The following TRAPPC9 variants were observed in gnomAD, a reference collection of about 807,000 sequenced individuals.
TRAPPC9 encodes the protein IKK2 binding protein.
In TRAPPC9, 83 loss-of-function variants were observed where a neutral mutation model predicts 124.0. The observed-to-expected ratio is 0.67, with a 90% CI of 0.56 to 0.80. The LOEUF is 0.80. Ranked by LOEUF, TRAPPC9 falls within the 30% of genes least tolerant of loss-of-function variation. The pLI, the probability that TRAPPC9 is intolerant of heterozygous loss-of-function variation, is 0.00. For synonymous variants in TRAPPC9, 638 were observed against 617.5 expected, an observed-to-expected ratio of 1.03 and a Z score of -0.49; for missense variants, 1,302 against 1,508.3, an observed-to-expected ratio of 0.86 and a Z score of 2.27.
At chr8:140,125,847 A>G (rs569653331) in intron 17 of TRAPPC9, among the ~76,000 whole-genome samples, 4 of 152,146 alleles carry the variant, frequency 2.6e-5, no homozygotes, top group South Asian at 2.1e-4. Flanking sequence ...ACGATTAGAC[A>G]TCTCCTTTGA....
intron 16 of TRAPPC9, among the ~76,000 whole-genome samples, chr8:140,250,054 A>G (rs2064094909): frequency 6.6e-6 from 1 of 152,178 alleles, no homozygotes; most frequent in South Asian, 2.1e-4. Flanking sequence ...TCCCAAAACA[A>G]AGTCTTCTTT....
chr8:140,037,836 A>AC (rs1841004963), intron 17 of TRAPPC9, among the ~76,000 whole-genome samples: 1 of 135,190 alleles, frequency 7.4e-6, no homozygotes, highest in African/African-American at 2.7e-5. Flanking sequence ...CCCAACACAC[A>AC]CCAACACACA....
chr8:140,068,240 G>A (rs1264145005), intron 17 of TRAPPC9, among the ~76,000 whole-genome samples: 1 of 152,074 alleles, frequency 6.6e-6, no homozygotes, highest in Non-Finnish European at 1.5e-5. Flanking sequence ...GTGACATTGA[G>A]GCATTTAAGA....
intron 11 of TRAPPC9, among the ~76,000 whole-genome samples, chr8:140,295,820 C>T (rs189136150): frequency 1.8e-4 from 27 of 152,306 alleles, no homozygotes; most frequent in African/African-American, 6.0e-4. Flanking sequence ...TGCACAAGCA[C>T]TCACTGATCA....
chr8:139,765,778 C>G (rs150318578), intron 21 of TRAPPC9, among the ~76,000 whole-genome samples: 2,728 of 152,268 alleles, frequency 0.018, 35 homozygotes, highest in Middle Eastern at 0.058. Context: ...AAATGCCAAG[C>G]CTGTGCCAGT....
At chr8:140,066,017 G>T (rs1351315072) in intron 17 of TRAPPC9, among the ~76,000 whole-genome samples, 1 of 152,196 alleles carries the variant, frequency 6.6e-6, no homozygotes, top group East Asian at 1.9e-4. Flanking sequence ...TTCTGTAAAA[G>T]ATTCACCATG....
At chr8:140,385,798 T>C (rs1420957532) in intron 7 of TRAPPC9, among the ~76,000 whole-genome samples, 1 of 152,082 alleles carries the variant, frequency 6.6e-6, no homozygotes, top group Non-Finnish European at 1.5e-5. Flanking sequence ...AAAGAGGGAA[T>C]CCTCCCTAAC....
chr8:140,152,188 T>C (rs752138336), intron 17 of TRAPPC9, among the ~76,000 whole-genome samples: 1 of 147,468 alleles, frequency 6.8e-6, no homozygotes, highest in Non-Finnish European at 1.5e-5. Context: ...TGACTATTCA[T>C]TAAGTTAACT....
In TRAPPC9 at chr8:140,138,459, G is replaced by A. The variant is rs145895025; in HGVS notation, c.2556+83000C>T. Among the ~76,000 whole-genome samples the A allele has an allele frequency of 3.5e-3, 526 of 152,236 alleles. 4 individuals are homozygous for A. The highest frequency in any genetic ancestry group is 0.012 in the African/African-American group (501 of 41,552). ...GGGAGAGGTAAAAAGGATGCCCCAC[G>A]TCCTAAAGGCCCTTTCTAAAGTAGC... is the stretch of plus-strand genomic sequence containing the variant. On this transcript the variant is annotated intron_variant, in intron 17 of 22. Coordinates refer to ENST00000438773, the MANE Select transcript of TRAPPC9 (RefSeq NM_001160372.4).
chr8:140,329,412 C>T (rs767534498), intron 9 of TRAPPC9, among the ~76,000 whole-genome samples: 4 of 152,180 alleles, frequency 2.6e-5, no homozygotes, highest in Non-Finnish European at 2.9e-5. Context: ...GCAGACAAAG[C>T]GATGGCTCGT....
At chr8:139,787,555 A>G (rs1456747414) in intron 21 of TRAPPC9, among the ~76,000 whole-genome samples, 1 of 152,174 alleles carries the variant, frequency 6.6e-6, no homozygotes, top group African/African-American at 2.4e-5. Context: ...CTAATATGGA[A>G]AAAGGCCTCA....
chr8:139,867,776 G>C (rs931135894), intron 21 of TRAPPC9, among the ~76,000 whole-genome samples: 15 of 152,184 alleles, frequency 9.9e-5, no homozygotes, highest in African/African-American at 3.6e-4. Flanking sequence ...CAAGGTGATG[G>C]AAGTCAAAGA....
chr8:140,157,445 G>A (rs896938331), intron 17 of TRAPPC9, among the ~76,000 whole-genome samples: 1 of 152,206 alleles, frequency 6.6e-6, no homozygotes, highest in African/African-American at 2.4e-5. Context: ...GGAGAAGGGA[G>A]GGAGGAACCA....
chr8:140,077,602 G>C (rs1292337154), intron 17 of TRAPPC9, among the ~76,000 whole-genome samples: 3 of 151,830 alleles, frequency 2.0e-5, no homozygotes, highest in African/African-American at 7.3e-5. Flanking sequence ...GCTTGCTGGG[G>C]GGACTCCAAG....
intron 19 of TRAPPC9, among the ~76,000 whole-genome samples, chr8:139,977,212 C>T (rs1052455609): frequency 2.0e-5 from 3 of 151,956 alleles, no homozygotes; most frequent in Admixed American, 6.6e-5. Context: ...ACGGCCCGTG[C>T]GGGACAGGGC....
intron 19 of TRAPPC9, among the ~76,000 whole-genome samples, chr8:139,941,190 C>T (rs1308595881): frequency 6.6e-6 from 1 of 152,232 alleles, no homozygotes; most frequent in Non-Finnish European, 1.5e-5. Context: ...TGGGCATCCT[C>T]CCCGGCCCTC....
chr8:140,185,989 A>T (rs1163726264), intron 17 of TRAPPC9, among the ~76,000 whole-genome samples: 1 of 152,178 alleles, frequency 6.6e-6, no homozygotes, highest in Non-Finnish European at 1.5e-5. Context: ...GCTGCCAAGG[A>T]GGACCCTTCC....
rs949879773 is a variant in TRAPPC9 at position 140,353,543 on chromosome 8, G to A, written c.1495+6507C>T. ...TCCCCGTGTTCCCTTTTTAAGCTAC[G>A]TGATGTGAAAGCCGCGAGTCTTTTT... On this transcript the variant is annotated intron_variant, in intron 9 of 22. Transcript: ENST00000438773. This position sits in a 1 kb window ranked among gnomAD's most constrained non-coding sequence, Gnocchi z 4.2. Among the ~76,000 whole-genome samples the A allele has an allele frequency of 2.0e-5, 3 of 152,156 alleles. No homozygotes were observed. Among genetic ancestry groups the A allele is most frequent in the African/African-American group, 4.8e-5 (2 of 41,426 alleles).
At chr8:139,737,678 T>C (rs1818292057) in intron 21 of TRAPPC9, among the ~76,000 whole-genome samples, 1 of 152,184 alleles carries the variant, frequency 6.6e-6, no homozygotes, top group African/African-American at 2.4e-5. Context: ...GTCGAGGAGC[T>C]GTTAGCAGCA....
Sources: gnomAD v4.1 joint callset for allele counts (sites outside exome capture counted in the v4.1 genomes callset) on GRCh38, gnomAD v4.1.1 for gene constraint, Gnocchi (gnomAD v3.1) non-coding constraint, MANE v1.5 for transcripts, NCBI Gene and HGNC (gene_info 2026-07-23, HGNC 2026-07-21) for gene names.